The following MTUS1 variants were observed in gnomAD, a reference collection of about 807,000 sequenced individuals.
MTUS1 encodes microtubule associated scaffold protein 1, also known as microtubule-associated tumor suppressor 1.
In MTUS1, 109 loss-of-function variants were observed where a neutral mutation model predicts 120.8. That is an observed-to-expected ratio of 0.90 (90% CI 0.77 to 1.06). MTUS1 has a LOEUF of 1.06. Among genes scored for constraint, MTUS1 ranks in the 50% least tolerant of loss-of-function variants. The pLI is 0.00. For missense variants in MTUS1, 2,210 were observed against 1,486.3 expected (o/e 1.49, Z -8.01); for synonymous variants, 737 against 550.5 (o/e 1.34, Z -4.74).
chr8:17,765,405 G>C (rs2049399551), intron 1 of MTUS1, among the ~76,000 whole-genome samples: 1 of 152,106 alleles, frequency 6.6e-6, no homozygotes, highest in African/African-American at 2.4e-5. Flanking sequence ...GAGGCAGGCA[G>C]ATAACCTGAG....
chr8:17,697,143 G>C lies in MTUS1; in HGVS notation c.2624-12601C>G, dbSNP rs1563220585. The C allele has an allele frequency of 9.7e-6, 13 of 1,344,966 alleles. No individual in the cohort carries two copies. The East Asian group carries it at 1.9e-4, about 20-fold the overall frequency. 83.3% of individuals were successfully genotyped at this position (1,344,966 alleles called of 1,614,324 possible). The stretch of plus-strand genomic sequence containing the variant: ...AAATTAAGCCTCATCTCTCATTAGA[G>C]AGAGCTTTTTTCCTCCAATTATCTG... On this transcript the variant is annotated intron_variant, in intron 6 of 14. Transcript: ENST00000693296.
At chr8:17,723,101 T>C (rs1313385670) in intron 4 of MTUS1, 1 of 161,672 alleles carries the variant, frequency 6.2e-6, no homozygotes, top group Non-Finnish European at 1.4e-5. Context: ...ATGAATTATT[T>C]CGTGGGGAAG....
chr8:17,759,047 C>A (rs935877197), intron 1 of MTUS1, among the ~76,000 whole-genome samples: 19 of 151,448 alleles, frequency 1.3e-4, no homozygotes, highest in Non-Finnish European at 2.5e-4. Context: ...ATGCCCGGCT[C>A]ATTTTCTGTA....
chr8:17,741,161 G>T (rs1262280774), intron 3 of MTUS1, among the ~76,000 whole-genome samples: 1 of 152,012 alleles, frequency 6.6e-6, no homozygotes, highest in African/African-American at 2.4e-5. Flanking sequence ...TTACAAGCGT[G>T]AGCCACCATG....
chr8:17,702,941 C>T (rs1050906250), intron 6 of MTUS1, among the ~76,000 whole-genome samples: 7 of 152,208 alleles, frequency 4.6e-5, no homozygotes, highest in African/African-American at 7.2e-5. Context: ...CTTATAATTT[C>T]TTACGCCTGT....
At chr8:17,743,449 A>G (rs1168687265) in intron 3 of MTUS1, among the ~76,000 whole-genome samples, 155 bp downstream of exon 3, 1 of 152,230 alleles carries the variant, frequency 6.6e-6, no homozygotes, top group African/African-American at 2.4e-5. Context: ...GATAAGGGAT[A>G]TATGTTGTCA....
chr8:17,669,597 A>G (rs1015088729), intron 8 of MTUS1, among the ~76,000 whole-genome samples: 3 of 152,238 alleles, frequency 2.0e-5, no homozygotes, highest in African/African-American at 7.2e-5. Flanking sequence ...TATAATCCCA[A>G]CACTTTGGGA....
At position 17,675,197 on chromosome 8, in the gene MTUS1, C is replaced by T. The variant is rs773123393; in HGVS notation, c.2894G>A (p.Arg965Gln). Residue 965 changes from arginine to glutamine, a missense_variant, in exon 8 of 15, where the codon CGG (arginine) becomes CAG (glutamine). Coordinates refer to ENST00000693296, the MANE Select transcript of MTUS1 (RefSeq NM_001363059.2). ...KTLSQELVNLRGELVTASTTC... is the reference protein window; with the variant it reads ...KTLSQELVNLQGELVTASTTC... ...CAAAAAGCTCTTACCTAGCTCTCCC[C>T]GGAGGTTAACAAGTTCTTGAGATAG... is the stretch of plus-strand genomic sequence containing the variant. 93 of 1,613,970 alleles carry T rather than the reference C, an allele frequency of 5.8e-5. No homozygotes were observed. The highest frequency in any genetic ancestry group is 7.7e-5 in the Non-Finnish European group (91 of 1,180,006).
chr8:17,777,725 T>G (rs2050566280), intron 1 of MTUS1, among the ~76,000 whole-genome samples: 2 of 152,198 alleles, frequency 1.3e-5, no homozygotes, highest in Non-Finnish European at 2.9e-5. Context: ...TTTTTGTCCC[T>G]ATTTGCTTGA....
chr8:17,736,558 C>T (rs1033612463), intron 3 of MTUS1, among the ~76,000 whole-genome samples: 3 of 152,014 alleles, frequency 2.0e-5, no homozygotes, highest in East Asian at 3.9e-4. Flanking sequence ...TAATCTCCTT[C>T]ACTGCTTTAT....
At chr8:17,668,544 T>C (rs2130549344) in intron 8 of MTUS1, among the ~76,000 whole-genome samples, 1 of 152,346 alleles carries the variant, frequency 6.6e-6, no homozygotes, top group Admixed American at 6.5e-5. Flanking sequence ...TCTGATTAAC[T>C]GGGATTGTCG....
In MTUS1 at chr8:17,679,604, C is replaced by T. The variant is rs536831872; in HGVS notation, c.2839-4352G>A. Among the ~76,000 whole-genome samples the T allele has an allele frequency of 5.3e-5, 8 of 152,044 alleles. 1 individual carries two copies. In the South Asian group the frequency reaches 1.2e-3, roughly 24 times the overall value. ...GCAACCTCCACCTATTGGGTTCAAGCGATTCGTATGCCTCAGTCTCTTGAG... is the reference window on the plus strand; with the variant it reads ...GCAACCTCCACCTATTGGGTTCAAGTGATTCGTATGCCTCAGTCTCTTGAG... On this transcript the variant is annotated intron_variant, in intron 7 of 14. Transcript: ENST00000693296.
intron 8 of MTUS1, among the ~76,000 whole-genome samples, chr8:17,656,647 C>G (rs1199808598): frequency 6.6e-6 from 1 of 150,750 alleles, no homozygotes; most frequent in Non-Finnish European, 1.5e-5. Context: ...ATGTGGTGAC[C>G]AGTCAATGCA....
At chr8:17,713,669 T>C (rs1285784453) in intron 5 of MTUS1, among the ~76,000 whole-genome samples, 1 of 152,214 alleles carries the variant, frequency 6.6e-6, no homozygotes, top group Non-Finnish European at 1.5e-5. Context: ...CCCGTTTCTA[T>C]TCAGCTATGA....
At chr8:17,650,090 T>G in intron 12 of MTUS1, 128 bp from the exon 13 acceptor site, 1 of 699,796 alleles carries the variant, frequency 1.4e-6, no homozygotes, top group Non-Finnish European at 2.6e-6. Context: ...TTAGAGCAAT[T>G]TCAAAGAAAG....
intron 1 of MTUS1, among the ~76,000 whole-genome samples, chr8:17,767,967 C>T (rs1443553504): frequency 2.6e-5 from 4 of 152,136 alleles, no homozygotes; most frequent in East Asian, 1.9e-4. Flanking sequence ...AGTGGCAGCA[C>T]GAGGCAAAGG....
chr8:17,722,339 T>C (rs1279688328), intron 4 of MTUS1: 3 of 966,610 alleles, frequency 3.1e-6, no homozygotes, highest in South Asian at 9.6e-5. Context: ...CTAGAGCATG[T>C]TGGTGATTCT....
Position 17,754,409 on chromosome 8 carries a change from A to C in MTUS1, c.1399T>G (p.Ser467Ala). ...GNRGLKNIPD[S>A]KEAPVNLCKP... ...CACAGGTTCACAGGTGCCTCCTTCG[A>C]GTCTGGTATGTTTTTAAGCCCTCGA... Residue 467 changes from serine (S) to alanine (A), a missense_variant, in exon 2 of 15, where the codon TCG becomes GCG. Ser to Ala is a moderately conservative substitution (Grantham distance 99). Coordinates refer to ENST00000693296, the MANE Select transcript of MTUS1 (RefSeq NM_001363059.2). 1 of 1,614,040 alleles carries C rather than the reference A, an allele frequency of 6.2e-7. No homozygotes were observed. Among genetic ancestry groups the C allele is most frequent in the Non-Finnish European group, 8.5e-7 (1 of 1,180,000 alleles).
At chr8:17,740,135 G>T (rs748810388) in intron 3 of MTUS1, among the ~76,000 whole-genome samples, 1 of 152,018 alleles carries the variant, frequency 6.6e-6, no homozygotes, top group Non-Finnish European at 1.5e-5. Context: ...TTGAACCCAG[G>T]AGGCGGAGGT....
Sources: allele counts gnomAD v4.1 joint callset (sites outside exome capture counted in the v4.1 genomes callset), GRCh38; gene constraint gnomAD v4.1.1; transcripts MANE v1.5; gene names NCBI Gene and HGNC (gene_info 2026-07-23, HGNC 2026-07-21).